COL11A1: variants seen among roughly 807,000 people sequenced by gnomAD.
COL11A1 encodes the protein collagen alpha-1(XI) chain.
COL11A1 carries 74 observed loss-of-function variants against 265.2 expected under a neutral mutation model. The ratio of observed to expected loss-of-function variants is 0.28; its 90% confidence interval spans 0.23 to 0.34. COL11A1 has a LOEUF of 0.34. Among genes scored for constraint, COL11A1 ranks in the 10% least tolerant of loss-of-function variants. COL11A1 has a pLI of 1.00. For missense variants in COL11A1, 2,165 were observed against 2,263.6 expected, an observed-to-expected ratio of 0.96 and a Z score of 0.88; for synonymous variants, 816 against 727.6, an observed-to-expected ratio of 1.12 and a Z score of -1.96.
chr1:103,033,057 A>G lies in COL11A1; in HGVS notation c.652-1813T>C, dbSNP rs1246411011. Among the ~76,000 whole-genome samples the G allele has an allele frequency of 3.3e-5, 5 of 152,148 alleles. No individual in the cohort carries two copies. The East Asian group carries it at 9.7e-4, about 29-fold the overall frequency. ...CCTTCCCTTTTCCTGGCCCCTTGTAAAAATTGGGCATTTCACCTAAATTCA... is the reference window on the plus strand; with the variant it reads ...CCTTCCCTTTTCCTGGCCCCTTGTAGAAATTGGGCATTTCACCTAAATTCA... On this transcript the variant is annotated intron_variant, in intron 4 of 66. Transcript: ENST00000370096.
At chr1:102,961,723 G>A in intron 41 of COL11A1, 143 bp downstream of exon 41, 1 of 726,586 alleles carries the variant, frequency 1.4e-6, no homozygotes, top group Admixed American at 2.1e-5. Context: ...CATGCAATTA[G>A]TGGGAACTAG....
At chr1:102,966,259 TAA>T (rs779174442) in intron 37 of COL11A1, among the ~76,000 whole-genome samples, 28 of 152,172 alleles carry the variant, frequency 1.8e-4, no homozygotes, top group Non-Finnish European at 3.2e-4. Context: ...CCATGAGAGT[TAA>T]GTTACTTTTA....
At chr1:103,021,685 G>A in intron 9 of COL11A1, 22 bp downstream of exon 9, 3 of 1,549,850 alleles carry the variant, frequency 1.9e-6, no homozygotes, top group Non-Finnish European at 2.7e-6. Context: ...AACCTTTAAA[G>A]TGTATTCACA....
chr1:103,053,108 C>T (rs1669959729), intron 4 of COL11A1, among the ~76,000 whole-genome samples: 3 of 152,134 alleles, frequency 2.0e-5, no homozygotes, highest in Non-Finnish European at 4.4e-5. Context: ...CCGGCAGTAG[C>T]TAATCCAATG....
chr1:102,964,613 T>C (rs1468745510), intron 38 of COL11A1, among the ~76,000 whole-genome samples: 1 of 151,684 alleles, frequency 6.6e-6, no homozygotes, highest in Non-Finnish European at 1.5e-5. Context: ...TGTGTGTGTA[T>C]GTGTTTGGAT....
chr1:103,071,066 G>C (rs1368255244), intron 4 of COL11A1, among the ~76,000 whole-genome samples: 1 of 151,796 alleles, frequency 6.6e-6, no homozygotes, highest in Non-Finnish European at 1.5e-5. Flanking sequence ...ACAGAAAATT[G>C]AATTCAAAAT....
intron 28 of COL11A1, among the ~76,000 whole-genome samples, chr1:102,994,534 C>A (rs2101784666): frequency 1.3e-5 from 2 of 152,224 alleles, no homozygotes; most frequent in Middle Eastern, 6.8e-3. Flanking sequence ...CCTGTACAGC[C>A]TGCACAACCA....
At chr1:103,051,758 A>G (rs1193292358) in intron 4 of COL11A1, among the ~76,000 whole-genome samples, 1 of 152,096 alleles carries the variant, frequency 6.6e-6, no homozygotes, top group Non-Finnish European at 1.5e-5. Flanking sequence ...CCCTATATCA[A>G]TATTCTTATT....
intron 3 of COL11A1, among the ~76,000 whole-genome samples, chr1:103,075,241 T>C (rs976898271): frequency 1.3e-5 from 2 of 152,320 alleles, no homozygotes; most frequent in African/African-American, 2.4e-5. Flanking sequence ...TGTCTACTAA[T>C]TGAATGAGCG....
At chr1:102,938,941 A>G in intron 44 of COL11A1, 94 bp downstream of exon 44, 1 of 1,043,046 alleles carries the variant, frequency 9.6e-7, no homozygotes, top group Non-Finnish European at 1.5e-6. Flanking sequence ...AGTATTGGCT[A>G]GGAAAGTAAG....
In COL11A1 at chr1:103,082,951, T is replaced by C; in HGVS notation, c.128A>G (p.Lys43Arg). 1 of 1,613,212 alleles carries C rather than the reference T, an allele frequency of 6.2e-7. No individual in the cohort carries two copies. Among genetic ancestry groups the C allele is most frequent in the Non-Finnish European group, 8.5e-7 (1 of 1,179,552 alleles). ...VRGAAPVDVL[K>R]ALDFHNSPEG... Reference sequence around the variant, plus strand: ...TGGAGAATTGTGAAAATCTAGTGCTTTTAGTACATCAACTGGAGCAGCTGA... The same window carrying C: ...TGGAGAATTGTGAAAATCTAGTGCTCTTAGTACATCAACTGGAGCAGCTGA... Residue 43 changes from lysine (K) to arginine (R), a missense_variant, in exon 2 of 67, where the codon AAA (lysine) becomes AGA (arginine). Transcript: ENST00000370096.
intron 4 of COL11A1, among the ~76,000 whole-genome samples, chr1:103,035,543 TTAC>T (rs1337337630): frequency 6.6e-6 from 1 of 152,156 alleles, no homozygotes; most frequent in Non-Finnish European, 1.5e-5. Context: ...TGCAAGTTTT[TTAC>T]TCATTTTATT....
intron 4 of COL11A1, among the ~76,000 whole-genome samples, chr1:103,051,240 T>A (rs1571158448): frequency 6.6e-6 from 1 of 152,232 alleles, no homozygotes; most frequent in Admixed American, 6.5e-5. Context: ...TGAGCTGTGG[T>A]GGTCTCCACC....
chr1:103,027,984 G>A (rs890722207), intron 5 of COL11A1, among the ~76,000 whole-genome samples: 3 of 151,976 alleles, frequency 2.0e-5, no homozygotes, highest in African/African-American at 7.2e-5. Flanking sequence ...AACTGCCCTA[G>A]ACACTACAGC....
In COL11A1 at chr1:102,946,950, G is replaced by C. The variant is rs758428843; in HGVS notation, c.3175C>G (p.Pro1059Ala). ...PQGPPGPVGSPGERGSAGTAG... is the reference protein window; with the variant it reads ...PQGPPGPVGSAGERGSAGTAG... ...GTACCTGCTGACCCACGTTCTCCTGGTGAGCCCTAGTATACAGGAAAAGAA... is the reference window on the plus strand; with the variant it reads ...GTACCTGCTGACCCACGTTCTCCTGCTGAGCCCTAGTATACAGGAAAAGAA... Residue 1059 changes from proline to alanine, a missense_variant, in exon 42 of 67, where the codon CCA becomes GCA. By Grantham distance (27) the Pro-to-Ala change is conservative. Transcript: ENST00000370096. 12 of 1,611,264 alleles carry C rather than the reference G, an allele frequency of 7.4e-6. No individual in the cohort carries two copies. In the Admixed American group the frequency reaches 1.8e-4, roughly 25 times the overall value.
Position 102,889,541 on chromosome 1 carries a change from G to T in COL11A1, c.4378C>A (p.Leu1460Met). Residue 1460 changes from leucine to methionine, a missense_variant, in exon 59 of 67, where the codon CTG becomes ATG. Coordinates refer to ENST00000370096, the MANE Select transcript of COL11A1 (RefSeq NM_001854.4). ...CCTTGTTCTCCTGGAGGACCAATCA[G>T]GCCAATTAAACCAGGATGTCCCTTT... ...GEKGHPGLIG[L>M]IGPPGEQGEK... The T allele has an allele frequency of 6.2e-7, 1 of 1,613,238 alleles. No homozygotes were observed. The highest frequency in any genetic ancestry group is 8.5e-7 in the Non-Finnish European group (1 of 1,179,656).
intron 6 of COL11A1, chr1:103,026,006 A>G (rs1667482091): frequency 6.4e-6 from 10 of 1,554,498 alleles, no homozygotes; most frequent in Non-Finnish European, 8.9e-6. Context: ...GAGGAGGGAA[A>G]TATAGAGCAC....
At chr1:103,004,411 A>G (rs750107973) in intron 20 of COL11A1, 33 bp downstream of exon 20, 6 of 1,554,072 alleles carry the variant, frequency 3.9e-6, no homozygotes, top group South Asian at 1.1e-5. Context: ...AAAACTAGAA[A>G]TATTACTTAA....
chr1:102,879,647 T>C (rs775488480), intron 66 of COL11A1, 36 bp downstream of exon 66: 9 of 1,580,302 alleles, frequency 5.7e-6, no homozygotes, highest in Middle Eastern at 1.7e-4. Context: ...CTGCCTATCA[T>C]CTCTGTGAAG....
Sources: gnomAD v4.1 joint callset for allele counts (sites outside exome capture counted in the v4.1 genomes callset) on GRCh38, gnomAD v4.1.1 for gene constraint, MANE v1.5 for transcripts, NCBI Gene and HGNC (gene_info 2026-07-23, HGNC 2026-07-21) for gene names.